The following SYNPR variants were observed in gnomAD, a reference collection of about 807,000 sequenced individuals.
SYNPR encodes the protein synaptoporin.
In SYNPR, 23 loss-of-function variants were observed where a neutral mutation model predicts 32.9. That is an observed-to-expected ratio of 0.70 (90% CI 0.50 to 0.99). The LOEUF (loss-of-function observed/expected upper bound fraction) is 0.99. Among genes scored for constraint, SYNPR ranks in the 50% least tolerant of loss-of-function variants. SYNPR has a pLI of 0.00. For missense variants in SYNPR, 318 were observed against 349.3 expected (o/e 0.91, Z 0.71); for synonymous variants, 146 against 135.9 (o/e 1.07, Z -0.52).
chr3:63,598,814 G>A, intron 4 of SYNPR, among the ~76,000 whole-genome samples: 1 of 152,144 alleles, frequency 6.6e-6, no homozygotes, highest in Non-Finnish European at 1.5e-5. Context: ...GGTCTTCAAA[G>A]GCCTAATGTA....
chr3:63,331,910 C>T (rs941437085), intron 2 of SYNPR, among the ~76,000 whole-genome samples: 10 of 152,120 alleles, frequency 6.6e-5, no homozygotes, highest in African/African-American at 2.4e-4. Context: ...GTTGATATGC[C>T]TCTTCTGGCA....
chr3:63,522,304 T>C (rs1301875858), intron 3 of SYNPR, among the ~76,000 whole-genome samples: 1 of 152,212 alleles, frequency 6.6e-6, no homozygotes, highest in Non-Finnish European at 1.5e-5. Context: ...TCCTTCTCTT[T>C]GACCCTCAGT....
chr3:63,475,520 A>G (rs993531206), intron 2 of SYNPR, among the ~76,000 whole-genome samples: 6 of 152,172 alleles, frequency 3.9e-5, no homozygotes, highest in Non-Finnish European at 2.9e-5. Flanking sequence ...AAGGTGAGCT[A>G]GTGCACCACA....
chr3:63,544,742 A>G (rs1427160046), intron 3 of SYNPR, among the ~76,000 whole-genome samples: 1 of 152,106 alleles, frequency 6.6e-6, no homozygotes, highest in Admixed American at 6.6e-5. Context: ...AATCAACTTT[A>G]GTAATCAGAC....
At chr3:63,236,600 T>C (rs58354107) in intron 1 of SYNPR, among the ~76,000 whole-genome samples, 24,420 of 152,124 alleles carry the variant, frequency 0.16, 2,281 homozygotes, top group Non-Finnish European at 0.21. Flanking sequence ...ATATTAAGTA[T>C]ACACCTAAGT....
intron 3 of SYNPR, among the ~76,000 whole-genome samples, chr3:63,507,701 G>T (rs2106747933): frequency 6.6e-6 from 1 of 152,142 alleles, no homozygotes; most frequent in East Asian, 1.9e-4. Flanking sequence ...AAATATTGTG[G>T]GACATTTAAT....
At chr3:63,313,501 A>G (rs2086991641) in intron 2 of SYNPR, among the ~76,000 whole-genome samples, 1 of 151,204 alleles carries the variant, frequency 6.6e-6, no homozygotes, top group Non-Finnish European at 1.5e-5. Flanking sequence ...ACTTAGAATA[A>G]GTCTCCAATC....
chr3:63,596,598 C>T (rs1699963283), intron 4 of SYNPR, among the ~76,000 whole-genome samples: 1 of 152,078 alleles, frequency 6.6e-6, no homozygotes, highest in East Asian at 1.9e-4. Flanking sequence ...TTTGGTCACA[C>T]TGATTTGCTT....
chr3:63,381,613 T>C (rs1194754000), intron 2 of SYNPR, among the ~76,000 whole-genome samples: 1 of 152,250 alleles, frequency 6.6e-6, no homozygotes, highest in Non-Finnish European at 1.5e-5. Context: ...GAATTTCTTT[T>C]AGATAGCATA....
chr3:63,434,881 T>C (rs1700053410), intron 2 of SYNPR, among the ~76,000 whole-genome samples: 7 of 152,236 alleles, frequency 4.6e-5, no homozygotes, highest in Non-Finnish European at 1.5e-5. Flanking sequence ...TCTTTAATAA[T>C]AAGCAAAGAC....
intron 3 of SYNPR, chr3:63,267,544 T>C (rs1170382877): frequency 6.6e-6 from 1 of 152,184 alleles, no homozygotes; most frequent in Non-Finnish European, 1.5e-5. Context: ...TATGACAGTG[T>C]CAATCAACTA....
At chr3:63,368,495 G>T (rs1404589058) in intron 2 of SYNPR, among the ~76,000 whole-genome samples, 1 of 152,194 alleles carries the variant, frequency 6.6e-6, no homozygotes, top group Non-Finnish European at 1.5e-5. Context: ...AGATGTCACT[G>T]CAGGGTCACT....
chr3:63,558,375 C>T (rs2106830307), intron 4 of SYNPR, among the ~76,000 whole-genome samples: 1 of 152,154 alleles, frequency 6.6e-6, no homozygotes, highest in Non-Finnish European at 1.5e-5. Context: ...AGTCTCATGC[C>T]ACCACCCAGG....
At chr3:63,260,690 G>A (rs1291592415) in intron 2 of SYNPR, among the ~76,000 whole-genome samples, 2 of 151,484 alleles carry the variant, frequency 1.3e-5, no homozygotes, top group Non-Finnish European at 2.9e-5. Context: ...AACACCAAAA[G>A]CAATGGCAAC....
At chr3:63,428,472 AG>A in intron 2 of SYNPR, among the ~76,000 whole-genome samples, 1 of 152,380 alleles carries the variant, frequency 6.6e-6, no homozygotes, top group East Asian at 1.9e-4. Flanking sequence ...GAATATGACT[AG>A]GTCAACTCTA....
chr3:63,457,379 C>T (rs1339654180), intron 2 of SYNPR, among the ~76,000 whole-genome samples: 2 of 150,956 alleles, frequency 1.3e-5, no homozygotes, highest in African/African-American at 4.9e-5. Flanking sequence ...TTTTTTATTC[C>T]TTACGATCTT....
At chr3:63,430,790 G>A (rs1699979496) in intron 2 of SYNPR, among the ~76,000 whole-genome samples, 1 of 152,004 alleles carries the variant, frequency 6.6e-6, no homozygotes, top group African/African-American at 2.4e-5. Flanking sequence ...TCTGAAGAAT[G>A]GGGATAACTT....
At chr3:63,218,660 G>A in the SYNPR span, among the ~76,000 whole-genome samples, 162 of 152,210 alleles carry the variant, frequency 1.1e-3, 1 homozygote, top group Middle Eastern at 0.01. Context: ...GATCCGTCCC[G>A]CCTCAGCCTC....
intron 2 of SYNPR, among the ~76,000 whole-genome samples, chr3:63,359,232 C>T (rs1436446326): frequency 1.3e-5 from 2 of 152,080 alleles, no homozygotes; most frequent in Admixed American, 1.3e-4. Context: ...ATTCACAGGA[C>T]CATGTTTTTG....
Sources: allele counts gnomAD v4.1 joint callset (sites outside exome capture counted in the v4.1 genomes callset), GRCh38; gene constraint gnomAD v4.1.1; transcripts MANE v1.5; gene names NCBI Gene and HGNC (gene_info 2026-07-23, HGNC 2026-07-21).